VAV3: variants seen among roughly 807,000 people sequenced by gnomAD.
VAV3 encodes the protein vav guanine nucleotide exchange factor 3, also known as guanine nucleotide exchange factor VAV3.
In VAV3, 94 loss-of-function variants were observed where a neutral mutation model predicts 131.2. The ratio of observed to expected loss-of-function variants is 0.72; its 90% CI spans 0.61 to 0.85. The LOEUF (loss-of-function observed/expected upper bound fraction) is 0.85. Ranked by LOEUF, VAV3 falls within the 40% of genes least tolerant of loss-of-function variation. The probability of loss-of-function intolerance (pLI) is 0.00; values close to 1 mark genes in which losing one functional copy is unlikely to be tolerated. For synonymous variants in VAV3, 349 were observed against 342.0 expected (o/e 1.02, Z -0.22); for missense variants, 939 against 1,002.7 (o/e 0.94, Z 0.86).
intron 2 of VAV3, among the ~76,000 whole-genome samples, chr1:107,857,454 G>A (rs1404285416): frequency 6.6e-6 from 1 of 151,992 alleles, no homozygotes; most frequent in African/African-American, 2.4e-5. Flanking sequence ...AAAATCCTAA[G>A]TTAACTATAA....
intron 1 of VAV3, among the ~76,000 whole-genome samples, chr1:107,917,931 G>A (rs1432072716): frequency 1.3e-5 from 2 of 152,108 alleles, no homozygotes; most frequent in Non-Finnish European, 2.9e-5. Context: ...CAACCTGTAT[G>A]AATTAAGGAC....
intron 15 of VAV3, among the ~76,000 whole-genome samples, chr1:107,748,434 A>T (rs1663493835): frequency 6.6e-6 from 1 of 152,190 alleles, no homozygotes; most frequent in Non-Finnish European, 1.5e-5. Context: ...TCCTCAGTGG[A>T]ACTAAAAGCC....
At chr1:107,580,557 C>A (rs1649971231) in intron 25 of VAV3, among the ~76,000 whole-genome samples, 1 of 152,092 alleles carries the variant, frequency 6.6e-6, no homozygotes, top group African/African-American at 2.4e-5. Flanking sequence ...TAGCTCTCAG[C>A]CAAACATTTT....
At chr1:107,611,605 A>C (rs906641179) in intron 21 of VAV3, among the ~76,000 whole-genome samples, 12 of 144,024 alleles carry the variant, frequency 8.3e-5, no homozygotes, top group South Asian at 2.2e-4. Context: ...CCAAAAAAAA[A>C]AAACAAACAA....
chr1:107,592,059 G>A (rs928218926), intron 25 of VAV3, among the ~76,000 whole-genome samples: 2 of 147,922 alleles, frequency 1.4e-5, no homozygotes, highest in Non-Finnish European at 3.0e-5. Context: ...ATACATACGT[G>A]TGTGTGTGTG....
At chr1:107,776,896 C>T (rs1665391852) in intron 4 of VAV3, among the ~76,000 whole-genome samples, 1 of 152,224 alleles carries the variant, frequency 6.6e-6, no homozygotes, top group African/African-American at 2.4e-5. Flanking sequence ...ATAAGGCATG[C>T]ACTATGTGTC....
intron 1 of VAV3, among the ~76,000 whole-genome samples, chr1:107,930,824 C>T (rs1216920576): frequency 6.6e-6 from 1 of 152,072 alleles, no homozygotes; most frequent in Non-Finnish European, 1.5e-5. Flanking sequence ...TGATGTGGAA[C>T]AAAATGAAGT....
intron 24 of VAV3, among the ~76,000 whole-genome samples, chr1:107,599,748 GCT>G: frequency 6.6e-6 from 1 of 151,122 alleles, no homozygotes; most frequent in Non-Finnish European, 1.5e-5. Context: ...TCTGGAGTTT[GCT>G]TATGTTTTAC....
At chr1:107,867,350 T>C (rs1294212903) in intron 2 of VAV3, among the ~76,000 whole-genome samples, 2 of 152,186 alleles carry the variant, frequency 1.3e-5, no homozygotes, top group Non-Finnish European at 2.9e-5. Context: ...TGTGTTTGCA[T>C]GGCTCGGGTA....
At chr1:107,811,392 T>C (rs79072056) in intron 2 of VAV3, among the ~76,000 whole-genome samples, 5,085 of 152,254 alleles carry the variant, frequency 0.033, 183 homozygotes, top group African/African-American at 0.09. Flanking sequence ...GCTGACATTT[T>C]ATTTTAAAAT....
At chr1:107,667,613 A>C (rs988186372) in intron 19 of VAV3, among the ~76,000 whole-genome samples, 7 of 152,024 alleles carry the variant, frequency 4.6e-5, no homozygotes, top group Admixed American at 3.9e-4. Flanking sequence ...CACACACACA[A>C]ACAAATCACA....
chr1:107,654,550 T>C (rs1377519821), intron 19 of VAV3, among the ~76,000 whole-genome samples: 1 of 152,016 alleles, frequency 6.6e-6, no homozygotes, highest in African/African-American at 2.4e-5. Context: ...CTTTGATACT[T>C]CAATATTTTT....
intron 2 of VAV3, among the ~76,000 whole-genome samples, chr1:107,827,216 A>G (rs901298352): frequency 6.6e-6 from 1 of 152,184 alleles, no homozygotes. Flanking sequence ...AGGTAACATG[A>G]AAGAACTACT....
chr1:107,934,453 T>C (rs752591431), intron 1 of VAV3, among the ~76,000 whole-genome samples: 12 of 152,226 alleles, frequency 7.9e-5, no homozygotes, highest in Non-Finnish European at 1.6e-4. Flanking sequence ...TGTATGTGTG[T>C]GTGCATCCTT....
At chr1:107,956,290 G>A (rs1674809409) in intron 1 of VAV3, among the ~76,000 whole-genome samples, 1 of 152,196 alleles carries the variant, frequency 6.6e-6, no homozygotes. Context: ...AAGAAGAAAA[G>A]GTAGTACAGA....
intron 15 of VAV3, among the ~76,000 whole-genome samples, chr1:107,741,989 T>C (rs1367153420): frequency 1.3e-5 from 2 of 152,194 alleles, no homozygotes; most frequent in Admixed American, 6.6e-5. Context: ...TAGGTGTCTA[T>C]AAAAATGCCT....
At chr1:107,636,090 T>C (rs1654911866) in intron 20 of VAV3, among the ~76,000 whole-genome samples, 1 of 152,178 alleles carries the variant, frequency 6.6e-6, no homozygotes, top group African/African-American at 2.4e-5. Flanking sequence ...ATCATTACTA[T>C]AAGGAAAGAA....
chr1:107,903,707 A>T (rs1671975570), intron 1 of VAV3, among the ~76,000 whole-genome samples: 1 of 151,652 alleles, frequency 6.6e-6, no homozygotes, highest in Admixed American at 6.6e-5. Flanking sequence ...TTGTTGAAAA[A>T]CTCCATCTAC....
At chr1:107,669,192 CAA>C (rs1165465939) in intron 19 of VAV3, 22 of 1,146,432 alleles carry the variant, frequency 1.9e-5, no homozygotes, top group Non-Finnish European at 2.3e-5. Context: ...CCACTCTGCT[CAA>C]AGTCTTCTTT....
Sources: gnomAD v4.1 joint callset for allele counts (sites outside exome capture counted in the v4.1 genomes callset) on GRCh38, gnomAD v4.1.1 for gene constraint, MANE v1.5 for transcripts, NCBI Gene and HGNC (gene_info 2026-07-23, HGNC 2026-07-21) for gene names.